THNSL1: variants seen among roughly 807,000 people sequenced by gnomAD.
THNSL1 encodes the protein threonine synthase like 1.
Under a neutral mutation model 50.4 loss-of-function variants are expected in THNSL1, and 48 were observed. The ratio of observed to expected loss-of-function variants is 0.95; its 90% confidence interval spans 0.76 to 1.21. THNSL1 has a LOEUF of 1.21. Among genes scored for constraint, THNSL1 ranks in the 50% most tolerant of loss-of-function variants. The pLI is 0.00. For missense variants in THNSL1, 896 were observed against 871.7 expected, an observed-to-expected ratio of 1.03 and a Z score of -0.35; for synonymous variants, 309 against 306.1, an observed-to-expected ratio of 1.01 and a Z score of -0.10.
In THNSL1 at chr10:25,024,378, AG is replaced by A. The variant is rs767850816; in HGVS notation, c.1156del (p.Val386SerfsTer2). ...VATSGDTGSA[V>X]LNGFSRLNKN... ...CTACTTCAGGAGACACAGGGAGTGC[AG>A]TCTTAAATGGTTTTAGTCGTCTAAA... On this transcript the variant is annotated frameshift_variant, in exon 3 of 3. Transcript: ENST00000376356. LOFTEE classifies it high-confidence loss of function. The A allele has an allele frequency of 3.1e-6, 5 of 1,614,016 alleles. No homozygotes were observed. In the South Asian group the frequency reaches 5.5e-5, roughly 18 times the overall value.
chr10:24,985,185 G>A, the THNSL1 span, among the ~76,000 whole-genome samples: 7 of 152,118 alleles, frequency 4.6e-5, no homozygotes, highest in East Asian at 1.9e-4. Context: ...AAATGTACAC[G>A]CAGAGTTATG....
chr10:24,986,771 T>C, the THNSL1 span, among the ~76,000 whole-genome samples: 2 of 152,226 alleles, frequency 1.3e-5, no homozygotes. Context: ...GTAGCTAATA[T>C]TTCATATTAT....
chr10:25,011,803 A>G (rs1850451398), upstream of THNSL1, among the ~76,000 whole-genome samples: 1 of 152,248 alleles, frequency 6.6e-6, no homozygotes, highest in African/African-American at 2.4e-5. Context: ...TGCAATAGAA[A>G]AGAAAAACCA....
At chr10:24,990,003 T>C in the THNSL1 span, among the ~76,000 whole-genome samples, 4 of 152,158 alleles carry the variant, frequency 2.6e-5, no homozygotes, top group East Asian at 7.7e-4. Flanking sequence ...CTAGCACCTG[T>C]TTATTTAAAA....
At chr10:24,964,256 A>G in the THNSL1 span, among the ~76,000 whole-genome samples, 1 of 152,178 alleles carries the variant, frequency 6.6e-6, no homozygotes, top group Non-Finnish European at 1.5e-5. Context: ...AACAGCCTTT[A>G]TACTGACCTC....
chr10:25,008,980 A>G, the THNSL1 span, among the ~76,000 whole-genome samples: 1 of 152,138 alleles, frequency 6.6e-6, no homozygotes, highest in Non-Finnish European at 1.5e-5. Flanking sequence ...GCTAGAAACC[A>G]TCATTCTCAG....
At chr10:25,013,369 T>G (rs1175518306), upstream of THNSL1, among the ~76,000 whole-genome samples, 1 of 152,198 alleles carries the variant, frequency 6.6e-6, no homozygotes, top group Non-Finnish European at 1.5e-5. Flanking sequence ...TCTCCATAGA[T>G]TAATGAGTTG....
chr10:24,978,323 A>G, the THNSL1 span, among the ~76,000 whole-genome samples: 1 of 152,064 alleles, frequency 6.6e-6, no homozygotes, highest in Non-Finnish European at 1.5e-5. Flanking sequence ...CTAAGAGCAT[A>G]GAATGTTCTT....
chr10:24,984,048 G>C, the THNSL1 span: 1 of 277,716 alleles, frequency 3.6e-6, no homozygotes, highest in Non-Finnish European at 6.6e-6. Flanking sequence ...TAAGAGTATC[G>C]AGGTTGGTAT....
At chr10:24,992,743 G>A in the THNSL1 span, among the ~76,000 whole-genome samples, 1 of 152,210 alleles carries the variant, frequency 6.6e-6, no homozygotes, top group Non-Finnish European at 1.5e-5. Flanking sequence ...TCATCACAGT[G>A]TAACTTAACC....
upstream of THNSL1, among the ~76,000 whole-genome samples, chr10:25,015,330 TG>T (rs1424737299): frequency 1.3e-5 from 2 of 152,200 alleles, no homozygotes; most frequent in East Asian, 3.8e-4. Flanking sequence ...CCTTAGAAAC[TG>T]CCTAATAGTG....
At chr10:24,974,222 T>C in the THNSL1 span, among the ~76,000 whole-genome samples, 1 of 152,180 alleles carries the variant, frequency 6.6e-6, no homozygotes, top group Non-Finnish European at 1.5e-5. Context: ...TTAGAATTTG[T>C]TTTCTTTTAA....
In THNSL1 at chr10:25,024,908, C is replaced by T. The variant is rs774998745; in HGVS notation, c.1685C>T (p.Pro562Leu). 52 of 1,613,646 alleles carry T rather than the reference C, an allele frequency of 3.2e-5. No homozygotes were observed. Among genetic ancestry groups the T allele is most frequent in the Middle Eastern group, 1.6e-4 (1 of 6,084 alleles). The change falls in exon 3 of 3, where the codon CCG becomes CTG. Residue 562 changes from proline (P) to leucine (L), a missense_variant. Physicochemically the swap from Pro to Leu is moderately conservative, Grantham distance 98. Coordinates refer to ENST00000376356, the MANE Select transcript of THNSL1 (RefSeq NM_024838.5). ...RERKLAQTFS[P>L]SIDILKSSNL... ...AGAAAACTAGCACAAACCTTTTCAC[C>T]GTCAATAGATATTCTCAAATCTTCA...
chr10:25,014,846 T>C (rs1396192979), upstream of THNSL1, among the ~76,000 whole-genome samples: 1 of 152,240 alleles, frequency 6.6e-6, no homozygotes, highest in Non-Finnish European at 1.5e-5. Context: ...AGAAGCTGCC[T>C]ACTTGTTGAA....
the THNSL1 span, among the ~76,000 whole-genome samples, chr10:25,007,862 C>T: frequency 6.6e-6 from 1 of 151,876 alleles, no homozygotes; most frequent in Admixed American, 6.6e-5. Context: ...CACCCATATG[C>T]CTGAAGGGAA....
the THNSL1 span, among the ~76,000 whole-genome samples, chr10:24,985,636 G>T: frequency 6.6e-6 from 1 of 152,178 alleles, no homozygotes; most frequent in Non-Finnish European, 1.5e-5. Context: ...AGCAATAAAA[G>T]TTATTTCTGT....
the THNSL1 span, among the ~76,000 whole-genome samples, chr10:24,967,691 T>C: frequency 6.6e-6 from 1 of 151,558 alleles, no homozygotes; most frequent in Non-Finnish European, 1.5e-5. Flanking sequence ...GATGTGTCCA[T>C]ATGTGTGTAT....
At chr10:25,004,084 T>G in the THNSL1 span, among the ~76,000 whole-genome samples, 37 of 152,356 alleles carry the variant, frequency 2.4e-4, no homozygotes, top group African/African-American at 8.9e-4. Context: ...TACACATCCA[T>G]GTCCCTGCAA....
chr10:25,007,249 T>C, the THNSL1 span, among the ~76,000 whole-genome samples: 1 of 152,166 alleles, frequency 6.6e-6, no homozygotes, highest in African/African-American at 2.4e-5. Flanking sequence ...CCGAATAATC[T>C]AAAAAATGAG....
Sources: allele counts gnomAD v4.1 joint callset (sites outside exome capture counted in the v4.1 genomes callset), GRCh38; gene constraint gnomAD v4.1.1; transcripts MANE v1.5; gene names NCBI Gene and HGNC (gene_info 2026-07-23, HGNC 2026-07-21).